Variants in NAALADL2 observed in about 807,000 individuals in gnomAD.
NAALADL2 encodes the protein inactive N-acetylated-alpha-linked acidic dipeptidase-like protein 2.
NAALADL2 carries 76 observed loss-of-function variants against 87.2 expected under a neutral mutation model. That is an observed-to-expected ratio of 0.87 (90% CI 0.72 to 1.05). NAALADL2 has a LOEUF of 1.05. Among genes scored for constraint, NAALADL2 ranks in the 50% least tolerant of loss-of-function variants. NAALADL2 has a pLI of 0.00. For missense variants in NAALADL2, 1,089 were observed against 945.8 expected, an observed-to-expected ratio of 1.15 and a Z score of -1.99; for synonymous variants, 354 against 331.0, an observed-to-expected ratio of 1.07 and a Z score of -0.75.
intron 1 of NAALADL2, among the ~76,000 whole-genome samples, chr3:174,455,805 C>T (rs1169231777): frequency 6.6e-6 from 1 of 152,114 alleles, no homozygotes; most frequent in Non-Finnish European, 1.5e-5. Context: ...CCCTTGAAAA[C>T]CAAGACAAGA....
At chr3:174,688,905 G>A (rs1040699576) in intron 2 of NAALADL2, among the ~76,000 whole-genome samples, 1 of 151,848 alleles carries the variant, frequency 6.6e-6, no homozygotes, top group Non-Finnish European at 1.5e-5. Context: ...AATTAATTTT[G>A]GAGTTTGAAT....
chr3:175,776,366 TTC>T (rs1012711093), intron 13 of NAALADL2: 8 of 152,058 alleles, frequency 5.3e-5, no homozygotes, highest in Non-Finnish European at 1.0e-4. Flanking sequence ...AACATTCTAA[TTC>T]TCTTATTGTT....
At chr3:175,181,749 A>ATATGTGTG (rs1736568244) in intron 2 of NAALADL2, among the ~76,000 whole-genome samples, 1 of 121,006 alleles carries the variant, frequency 8.3e-6, no homozygotes, top group African/African-American at 3.3e-5. Context: ...ATATATGTAT[A>ATATGTGTG]TATATGTGTG....
chr3:175,798,384 T>C (rs1753760594), intron 13 of NAALADL2, among the ~76,000 whole-genome samples: 1 of 152,042 alleles, frequency 6.6e-6, no homozygotes, highest in Non-Finnish European at 1.5e-5. Context: ...TGTATCCAAT[T>C]TGAGTAGAAA....
intron 3 of NAALADL2, among the ~76,000 whole-genome samples, chr3:174,845,539 G>T (rs984645555): frequency 2.0e-5 from 3 of 152,208 alleles, no homozygotes; most frequent in Non-Finnish European, 4.4e-5. Context: ...TGCATGCAAA[G>T]CTTGACAACT....
intron 2 of NAALADL2, among the ~76,000 whole-genome samples, chr3:174,683,862 T>A (rs1411190862): frequency 1.3e-5 from 2 of 152,126 alleles, no homozygotes; most frequent in African/African-American, 4.8e-5. Flanking sequence ...ATCTATTTTT[T>A]CAGAGCTACA....
At chr3:174,749,226 A>G (rs1734583000) in intron 3 of NAALADL2, among the ~76,000 whole-genome samples, 1 of 152,134 alleles carries the variant, frequency 6.6e-6, no homozygotes, top group Non-Finnish European at 1.5e-5. Flanking sequence ...TTAAAATAAT[A>G]CGGTTGCTTG....
At chr3:175,622,407 G>A (rs985434542) in intron 10 of NAALADL2, among the ~76,000 whole-genome samples, 4 of 151,990 alleles carry the variant, frequency 2.6e-5, no homozygotes, top group African/African-American at 7.2e-5. Context: ...ATCTTAAAAC[G>A]AACTCTAGTG....
At chr3:175,471,899 C>T (rs1724961844) in intron 9 of NAALADL2, 141 bp downstream of exon 9, 1 of 741,396 alleles carries the variant, frequency 1.3e-6, no homozygotes, top group Non-Finnish European at 2.2e-6. Flanking sequence ...CTATTGCTGA[C>T]ATTTTATCAA....
At chr3:175,606,204 G>A (rs1723711027) in intron 10 of NAALADL2, among the ~76,000 whole-genome samples, 1 of 152,122 alleles carries the variant, frequency 6.6e-6, no homozygotes, top group South Asian at 2.1e-4. Flanking sequence ...AACCTCAGTA[G>A]AAATGAAGGT....
At chr3:174,599,475 T>G (rs962719279) in intron 2 of NAALADL2, among the ~76,000 whole-genome samples, 4 of 152,076 alleles carry the variant, frequency 2.6e-5, no homozygotes, top group Admixed American at 6.6e-5. Flanking sequence ...TCAGAATAAC[T>G]ATGTCTACTT....
chr3:175,774,202 G>A (rs1749903972), intron 13 of NAALADL2, among the ~76,000 whole-genome samples: 2 of 151,962 alleles, frequency 1.3e-5, no homozygotes, highest in African/African-American at 4.8e-5. Context: ...GCAGTGGGAG[G>A]ACATCTTCAA....
Position 175,364,074 on chromosome 3 carries a change from G to A in NAALADL2, c.1090+39749G>A, listed in dbSNP as rs1337961079. Among the ~76,000 whole-genome samples, 2 of 147,590 alleles carry A rather than the reference G, an allele frequency of 1.4e-5. 1 individual carries two copies. Among genetic ancestry groups the A allele is most frequent in the Admixed American group, 1.4e-4 (2 of 14,350 alleles). ...TTCAGAGTAAAGTGGCTGTGTTAGT[G>A]AAGACTTACCCCTGACCAACCCATG... is the stretch of plus-strand genomic sequence containing the variant. On this transcript the variant is annotated intron_variant, in intron 5 of 13. Transcript: ENST00000454872.
intron 3 of NAALADL2, among the ~76,000 whole-genome samples, chr3:175,253,185 G>T (rs1560236084): frequency 6.6e-6 from 1 of 152,180 alleles, no homozygotes; most frequent in Non-Finnish European, 1.5e-5. Context: ...AGGCTTCCAA[G>T]CTCCAAAGGT....
chr3:174,519,048 C>T (rs1720103460), intron 1 of NAALADL2, among the ~76,000 whole-genome samples: 1 of 151,454 alleles, frequency 6.6e-6, no homozygotes, highest in African/African-American at 2.4e-5. Context: ...ATCTCTCTTT[C>T]TCTGTCTCCA....
intron 9 of NAALADL2, among the ~76,000 whole-genome samples, chr3:175,563,080 TATTTA>T (rs934330376): frequency 2.0e-5 from 3 of 152,088 alleles, no homozygotes; most frequent in African/African-American, 7.2e-5. Context: ...AACTTGGCAT[TATTTA>T]ATTTATTCTC....
intron 10 of NAALADL2, among the ~76,000 whole-genome samples, chr3:175,602,641 A>G (rs1459663689): frequency 1.3e-5 from 2 of 152,160 alleles, no homozygotes; most frequent in African/African-American, 4.8e-5. Flanking sequence ...TTAAAGCACC[A>G]GTAGATATTT....
chr3:174,467,899 A>G (rs186237628), intron 1 of NAALADL2, among the ~76,000 whole-genome samples: 324 of 152,118 alleles, frequency 2.1e-3, no homozygotes, highest in Middle Eastern at 3.4e-3. Flanking sequence ...TTTTTTTAGG[A>G]ATAATGCTCT....
At chr3:174,925,473 G>A (rs1303680967) in intron 1 of NAALADL2, among the ~76,000 whole-genome samples, 1 of 152,162 alleles carries the variant, frequency 6.6e-6, no homozygotes. Flanking sequence ...GGTTACTGTA[G>A]CCTTGTAGTA....
Sources: gnomAD v4.1 joint callset for allele counts (sites outside exome capture counted in the v4.1 genomes callset) on GRCh38, gnomAD v4.1.1 for gene constraint, MANE v1.5 for transcripts, NCBI Gene and HGNC (gene_info 2026-07-23, HGNC 2026-07-21) for gene names.